LDLRAD3: variants seen among roughly 807,000 people sequenced by gnomAD.
LDLRAD3 encodes low density lipoprotein receptor class A domain containing 3.
In LDLRAD3, 20 loss-of-function variants were observed where a neutral mutation model predicts 29.4. That is an observed-to-expected ratio of 0.68 (90% CI 0.48 to 0.99). LDLRAD3 has a LOEUF of 0.99. LDLRAD3 is among the 50% of genes least tolerant of loss of function. The probability of loss-of-function intolerance (pLI) is 0.00; values close to 1 mark genes in which losing one functional copy is unlikely to be tolerated. For synonymous variants in LDLRAD3, 157 were observed against 192.7 expected, an observed-to-expected ratio of 0.81 and a Z score of 1.53; for missense variants, 420 against 454.3, an observed-to-expected ratio of 0.92 and a Z score of 0.69.
At chr11:36,111,223 G>A (rs912366066) in intron 4 of LDLRAD3, among the ~76,000 whole-genome samples, 1 of 152,148 alleles carries the variant, frequency 6.6e-6, no homozygotes, top group East Asian at 1.9e-4. Context: ...GCTTATCCTT[G>A]TGTCTTACTG....
chr11:36,166,089 C>A (rs1326494288), intron 4 of LDLRAD3, among the ~76,000 whole-genome samples: 1 of 151,796 alleles, frequency 6.6e-6, no homozygotes, highest in Non-Finnish European at 1.5e-5. Context: ...ACTGGCTAAT[C>A]TATGTGCAGT....
chr11:36,133,658 C>T (rs1462237117), intron 4 of LDLRAD3, among the ~76,000 whole-genome samples: 1 of 151,468 alleles, frequency 6.6e-6, no homozygotes, highest in African/African-American at 2.4e-5. Context: ...CTCAGCCTCC[C>T]GAGTAGCTGG....
chr11:36,082,573 C>T (rs997784434), intron 3 of LDLRAD3, among the ~76,000 whole-genome samples: 17 of 152,314 alleles, frequency 1.1e-4, no homozygotes, highest in African/African-American at 4.1e-4. Flanking sequence ...GAAAACAGTT[C>T]AAGTAGCATA....
chr11:36,076,694 C>T (rs1853015855), intron 2 of LDLRAD3, among the ~76,000 whole-genome samples: 1 of 152,168 alleles, frequency 6.6e-6, no homozygotes, highest in Non-Finnish European at 1.5e-5. Context: ...CCTAGCCTTC[C>T]CACTTTCTTT....
intron 4 of LDLRAD3, among the ~76,000 whole-genome samples, chr11:36,128,993 T>G (rs1853886035): frequency 1.3e-5 from 2 of 152,040 alleles, no homozygotes; most frequent in Non-Finnish European, 2.9e-5. Flanking sequence ...GCTTTCCCTG[T>G]GAGATGGAGG....
intron 4 of LDLRAD3, among the ~76,000 whole-genome samples, chr11:36,132,758 G>A (rs1013977126): frequency 1.4e-4 from 22 of 152,190 alleles, no homozygotes; most frequent in African/African-American, 4.6e-4. Flanking sequence ...TGAATGCAGC[G>A]GTTTAAGCCC....
intron 1 of LDLRAD3, among the ~76,000 whole-genome samples, chr11:36,014,636 C>T (rs1261180651): frequency 6.6e-6 from 1 of 152,198 alleles, no homozygotes; most frequent in Non-Finnish European, 1.5e-5. Flanking sequence ...CAGACTCCTT[C>T]CTGAACATCT....
chr11:36,145,600 G>A (rs1319683598), intron 4 of LDLRAD3, among the ~76,000 whole-genome samples: 1 of 151,702 alleles, frequency 6.6e-6, no homozygotes, highest in African/African-American at 2.4e-5. Context: ...GAAATCGGAT[G>A]GTTGCCGTGT....
chr11:35,982,837 C>T (rs1347799071), intron 1 of LDLRAD3, among the ~76,000 whole-genome samples: 1 of 146,882 alleles, frequency 6.8e-6, no homozygotes. Flanking sequence ...TGTGTTTAGG[C>T]CTGTTTGCTG....
At chr11:36,163,134 G>A (rs187437485) in intron 4 of LDLRAD3, among the ~76,000 whole-genome samples, 12 of 152,362 alleles carry the variant, frequency 7.9e-5, no homozygotes, top group East Asian at 5.8e-4. Flanking sequence ...AAGCCAGGGC[G>A]GATCAGCAAA....
rs1478504534 is a variant in LDLRAD3 at position 36,230,098 on chromosome 11, T to C, written c.*701T>C. Reference sequence around the variant, plus strand: ...GAGCTTTCCTCAGCAGCATATATCATCAGCCTCATCCTAAAATAGGCAGGG... The same window carrying C: ...GAGCTTTCCTCAGCAGCATATATCACCAGCCTCATCCTAAAATAGGCAGGG... On this transcript the variant is annotated 3_prime_UTR_variant, in exon 6 of 6. Coordinates refer to ENST00000315571, the MANE Select transcript of LDLRAD3 (RefSeq NM_174902.4). 1.3e-5 allele frequency: 2 copies of C among 152,256 alleles called. No homozygotes were observed. The highest frequency in any genetic ancestry group is 4.8e-5 in the African/African-American group (2 of 41,454). The allele number at this position is 152,256 out of a possible 1,614,324, so 9.4% of individuals were successfully genotyped here.
At chr11:36,212,421 C>A (rs1855294711) in intron 4 of LDLRAD3, among the ~76,000 whole-genome samples, 1 of 152,086 alleles carries the variant, frequency 6.6e-6, no homozygotes. Context: ...CACAATTGAG[C>A]AGAGTTCTAA....
chr11:36,187,675 G>T (rs1242305668), intron 4 of LDLRAD3, among the ~76,000 whole-genome samples: 1 of 152,168 alleles, frequency 6.6e-6, no homozygotes, highest in Non-Finnish European at 1.5e-5. Flanking sequence ...TGGATTCTGG[G>T]TGTGTTTGTT....
At chr11:35,983,192 T>C (rs527520199) in intron 1 of LDLRAD3, among the ~76,000 whole-genome samples, 17 of 152,344 alleles carry the variant, frequency 1.1e-4, no homozygotes, top group Non-Finnish European at 2.2e-4. Flanking sequence ...ACTTGCTTGA[T>C]TATTAAATAT....
At chr11:36,143,883 C>A (rs1414686641) in intron 4 of LDLRAD3, among the ~76,000 whole-genome samples, 2 of 152,002 alleles carry the variant, frequency 1.3e-5, no homozygotes, top group African/African-American at 2.4e-5. Flanking sequence ...AATGCAGTCG[C>A]ATTCTAAAGT....
chr11:36,221,718 T>C (rs1000934749), intron 4 of LDLRAD3, among the ~76,000 whole-genome samples: 1 of 152,158 alleles, frequency 6.6e-6, no homozygotes, highest in Non-Finnish European at 1.5e-5. Context: ...ATTTTTTTAA[T>C]AGATAATACA....
At chr11:36,224,622 G>GA (rs1855474464) in intron 4 of LDLRAD3, among the ~76,000 whole-genome samples, 1 of 152,172 alleles carries the variant, frequency 6.6e-6, no homozygotes, top group Non-Finnish European at 1.5e-5. Context: ...TCTGTGCAAT[G>GA]AATCATTGAA....
At chr11:35,998,567 A>G (rs912286063) in intron 1 of LDLRAD3, among the ~76,000 whole-genome samples, 2 of 152,184 alleles carry the variant, frequency 1.3e-5, no homozygotes, top group East Asian at 3.9e-4. Context: ...TCCTAGAATG[A>G]ACCTCTGGAG....
chr11:36,043,020 A>T (rs1852402348), intron 2 of LDLRAD3, among the ~76,000 whole-genome samples: 1 of 152,122 alleles, frequency 6.6e-6, no homozygotes, highest in African/African-American at 2.4e-5. Context: ...AAAAAAAAAA[A>T]ATTATTATAG....
Sources: allele counts gnomAD v4.1 joint callset (sites outside exome capture counted in the v4.1 genomes callset), GRCh38; gene constraint gnomAD v4.1.1; transcripts MANE v1.5; gene names NCBI Gene and HGNC (gene_info 2026-07-23, HGNC 2026-07-21).